The following AHI1 variants were observed in gnomAD, a reference collection of about 807,000 sequenced individuals.
The protein encoded by AHI1 is Abelson helper integration site 1.
In AHI1, 123 loss-of-function variants were observed where a neutral mutation model predicts 149.3. The observed-to-expected ratio is 0.82, with a 90% confidence interval of 0.71 to 0.96. The LOEUF is 0.96. Among genes scored for constraint, AHI1 ranks in the 40% least tolerant of loss-of-function variants. The pLI is 0.00. For synonymous variants in AHI1, 475 were observed against 459.8 expected (o/e 1.03, Z -0.42); for missense variants, 1,439 against 1,422.7 (o/e 1.01, Z -0.18).
chr6:135,426,618 A>G (rs1783948130), intron 20 of AHI1, among the ~76,000 whole-genome samples: 1 of 151,706 alleles, frequency 6.6e-6, no homozygotes, highest in Non-Finnish European at 1.5e-5. Flanking sequence ...TTCAGGATAG[A>G]AATTAAAGAA....
At chr6:135,374,102 ATATATATTTTTTTTTTT>A (rs1336457883) in intron 23 of AHI1, among the ~76,000 whole-genome samples, 2 of 43,588 alleles carry the variant, frequency 4.6e-5, no homozygotes, top group East Asian at 9.2e-4. Flanking sequence ...ATATATATAT[ATATATATTTTTTTTTTT>A]TTTTTTTTTT....
intron 23 of AHI1, 189 bp downstream of exon 23, chr6:135,394,587 T>A (rs1778955466): frequency 2.8e-6 from 2 of 724,238 alleles, no homozygotes; most frequent in East Asian, 5.9e-5. Context: ...GTATCTACTG[T>A]TACCAATTCC....
At chr6:135,322,785 T>C (rs1787065662) in intron 25 of AHI1, among the ~76,000 whole-genome samples, 1 of 152,216 alleles carries the variant, frequency 6.6e-6, no homozygotes, top group Admixed American at 6.5e-5. Context: ...AGTAAAAGAA[T>C]GCAGTTGGGG....
intron 22 of AHI1, among the ~76,000 whole-genome samples, chr6:135,399,965 A>G (rs1033104097): frequency 8.6e-5 from 13 of 152,040 alleles, no homozygotes; most frequent in African/African-American, 3.1e-4. Context: ...AACTCGTGTC[A>G]CAGGGACTTG....
intron 24 of AHI1, 55 bp downstream of exon 24, chr6:135,358,077 G>C: frequency 6.6e-7 from 1 of 1,504,496 alleles, no homozygotes; most frequent in Non-Finnish European, 9.2e-7. Context: ...ACTATAACCA[G>C]TATAATTTTG....
chr6:135,352,188 A>G (rs941216541), intron 24 of AHI1, among the ~76,000 whole-genome samples: 1 of 152,198 alleles, frequency 6.6e-6, no homozygotes, highest in Non-Finnish European at 1.5e-5. Flanking sequence ...ATCCTTTTAA[A>G]ACATTACTCC....
chr6:135,383,460 C>T (rs542984459), intron 23 of AHI1, among the ~76,000 whole-genome samples: 2 of 80,632 alleles, frequency 2.5e-5, no homozygotes, highest in East Asian at 6.2e-4. Context: ...TGGTCATGAA[C>T]TCCTAGGCTC....
At chr6:135,405,190 C>T (rs1407915660) in intron 21 of AHI1, among the ~76,000 whole-genome samples, 1 of 152,172 alleles carries the variant, frequency 6.6e-6, no homozygotes, top group Non-Finnish European at 1.5e-5. Flanking sequence ...ACAAATGGCA[C>T]TGTGAAACTC....
chr6:135,457,369 T>C, intron 9 of AHI1, 125 bp downstream of exon 9: 1 of 667,406 alleles, frequency 1.5e-6, no homozygotes, highest in Admixed American at 2.8e-5. Context: ...CACCTACAAC[T>C]AGTAGACTAT....
chr6:135,476,515 A>C (rs1792671827), intron 5 of AHI1, among the ~76,000 whole-genome samples: 1 of 152,114 alleles, frequency 6.6e-6, no homozygotes, highest in Non-Finnish European at 1.5e-5. Flanking sequence ...TCAGTTACTG[A>C]AATCTACATT....
At chr6:135,381,599 G>C (rs1240721281) in intron 23 of AHI1, among the ~76,000 whole-genome samples, 1 of 152,138 alleles carries the variant, frequency 6.6e-6, no homozygotes, top group Admixed American at 6.6e-5. Context: ...ATCATTTAGA[G>C]AACTCCAAAA....
At chr6:135,456,503 C>T (rs1041903474) in intron 9 of AHI1, among the ~76,000 whole-genome samples, 22 of 151,432 alleles carry the variant, frequency 1.5e-4, no homozygotes, top group Admixed American at 1.3e-3. Flanking sequence ...TGTGATTGCA[C>T]CACTGCACTC....
chr6:135,337,887 A>T (rs1187867909), intron 24 of AHI1, among the ~76,000 whole-genome samples: 3 of 152,210 alleles, frequency 2.0e-5, no homozygotes, highest in African/African-American at 4.8e-5. Flanking sequence ...GGCTTATCTA[A>T]TTCCAAAGTC....
intron 22 of AHI1, among the ~76,000 whole-genome samples, chr6:135,397,877 G>C (rs1779448214): frequency 6.6e-6 from 1 of 151,928 alleles, no homozygotes; most frequent in South Asian, 2.1e-4. Context: ...TCTCAAGTTG[G>C]TTTTAAATTA....
At position 135,411,403 on chromosome 6, in the gene AHI1, G is replaced by C. The variant is rs760411761; in HGVS notation, c.2906C>G (p.Thr969Ser). The change falls in exon 21 of 29, where the codon ACT becomes AGT. Residue 969 changes from threonine to serine, a missense_variant. By Grantham distance (58) the Thr-to-Ser change is moderately conservative. Transcript: ENST00000265602. ...GSFQIDEFVH[T>S]ESSSTKMQLV... ...CTGCATCTTCGTTGAAGAACTTTCAGTGTGGACAAATTCATCAATCTGAAA... is the reference window on the plus strand; with the variant it reads ...CTGCATCTTCGTTGAAGAACTTTCACTGTGGACAAATTCATCAATCTGAAA... 55 of 1,613,734 alleles carry C rather than the reference G, an allele frequency of 3.4e-5. No homozygotes were observed. The highest frequency in any genetic ancestry group is 4.7e-5 in the Non-Finnish European group (55 of 1,179,798).
chr6:135,307,798 A>C (rs1022432570), intron 26 of AHI1, among the ~76,000 whole-genome samples: 7 of 151,952 alleles, frequency 4.6e-5, no homozygotes, highest in Non-Finnish European at 8.8e-5. Flanking sequence ...TCTCAACTGG[A>C]GAGTGAGGGG....
chr6:135,295,348 G>A (rs1211142017), intron 27 of AHI1, among the ~76,000 whole-genome samples: 1 of 152,202 alleles, frequency 6.6e-6, no homozygotes, highest in African/African-American at 2.4e-5. Flanking sequence ...CAATTTGGCA[G>A]TTTCTTAAAA....
At chr6:135,340,590 G>T (rs1173078350) in intron 24 of AHI1, among the ~76,000 whole-genome samples, 1 of 132,738 alleles carries the variant, frequency 7.5e-6, no homozygotes, top group African/African-American at 2.8e-5. Context: ...TCCATTTAAA[G>T]AAATAAAGAA....
intron 24 of AHI1, among the ~76,000 whole-genome samples, chr6:135,333,088 A>G (rs1788840688): frequency 6.6e-6 from 1 of 152,240 alleles, no homozygotes; most frequent in Non-Finnish European, 1.5e-5. Flanking sequence ...ACACATGTGC[A>G]GATCAGCACT....
Sources: allele counts gnomAD v4.1 joint callset (sites outside exome capture counted in the v4.1 genomes callset), GRCh38; gene constraint gnomAD v4.1.1; transcripts MANE v1.5; gene names NCBI Gene and HGNC (gene_info 2026-07-23, HGNC 2026-07-21).